The following FOXO1 variants were observed in gnomAD, a reference collection of about 807,000 sequenced individuals.
FOXO1 encodes the protein forkhead box O1, also known as forkhead box protein O1.
In FOXO1, 6 loss-of-function variants were observed where a neutral mutation model predicts 44.1. The ratio of observed to expected loss-of-function variants is 0.14; its 90% CI spans 0.07 to 0.27. The LOEUF (loss-of-function observed/expected upper bound fraction) is 0.27, where lower values mean the gene tolerates loss of function less well. FOXO1 is among the 10% of genes least tolerant of loss of function. The pLI, the probability that FOXO1 is intolerant of heterozygous loss-of-function variation, is 1.00. For synonymous variants in FOXO1, 380 were observed against 362.7 expected, an observed-to-expected ratio of 1.05 and a Z score of -0.54; for missense variants, 737 against 888.8, an observed-to-expected ratio of 0.83 and a Z score of 2.17.
intron 1 of FOXO1, among the ~76,000 whole-genome samples, chr13:40,604,181 AG>A (rs1415609187): frequency 6.6e-6 from 1 of 152,040 alleles, no homozygotes; most frequent in East Asian, 1.9e-4. Context: ...ATTTCCACTA[AG>A]GAAAAAAAAA....
intron 1 of FOXO1, among the ~76,000 whole-genome samples, chr13:40,651,075 G>A (rs1469371656): frequency 7.3e-6 from 1 of 137,870 alleles, no homozygotes; most frequent in African/African-American, 2.9e-5. Flanking sequence ...GCACTGCCTA[G>A]TTTTTTTGGT....
chr13:40,560,670 T>G lies in FOXO1; in HGVS notation c.821A>C (p.Lys274Thr), dbSNP rs1193729908. The change falls in exon 2 of 3, where the codon AAA becomes ACA. Residue 274 changes from lysine to threonine, a missense_variant. Around this residue, in one of 7 missense-constraint regions of FOXO1, gnomAD observed 136 missense variants for 186.4 expected, o/e 0.73. Transcript: ENST00000379561. This position sits in a 1 kb window ranked among gnomAD's most constrained non-coding sequence, Gnocchi z 5.1. ...AKSRSRAAKK[K>T]ASLQSGQEGA... Reference sequence around the variant, plus strand: ...CTCCTGGCCAGACTGGAGAGATGCTTTCTTCTTGGCAGCTCGGCTTCGGCT... The same window carrying G: ...CTCCTGGCCAGACTGGAGAGATGCTGTCTTCTTGGCAGCTCGGCTTCGGCT... The G allele has an allele frequency of 6.2e-7, 1 of 1,614,098 alleles. No individual in the cohort carries two copies. Among genetic ancestry groups the G allele is most frequent in the Non-Finnish European group, 8.5e-7 (1 of 1,180,052 alleles).
chr13:40,558,531 T>C lies in FOXO1; in HGVS notation c.*518A>G, dbSNP rs564906736. On this transcript the variant is annotated 3_prime_UTR_variant, in exon 3 of 3. Transcript: ENST00000379561. Reference sequence around the variant, plus strand: ...AAGGCTGTTCAATGGAGATGCAGAATGGAGATTCAGTTCTTTGTGATCCGT... The same window carrying C: ...AAGGCTGTTCAATGGAGATGCAGAACGGAGATTCAGTTCTTTGTGATCCGT... 6.4e-4 allele frequency: 154 copies of C among 239,348 alleles called. No homozygotes were observed. In the Middle Eastern group the frequency reaches 6.5e-3, roughly 10 times the overall value. The allele number at this position is 239,348 out of a possible 1,614,324, so 14.8% of individuals were successfully genotyped here.
At chr13:40,619,926 A>C in intron 1 of FOXO1, 1 of 682,212 alleles carries the variant, frequency 1.5e-6, no homozygotes. Context: ...TGAGAAATAC[A>C]AACCAAAGAT....
At chr13:40,618,847 G>A (rs749738795) in intron 1 of FOXO1, 3 of 527,838 alleles carry the variant, frequency 5.7e-6, no homozygotes, top group Non-Finnish European at 1.1e-5. Flanking sequence ...TCTCCACAGA[G>A]AAGAGGCCTG....
chr13:40,628,583 AGTGGAATCGACTCATAC>A (rs1032194745), intron 1 of FOXO1, among the ~76,000 whole-genome samples: 5 of 152,124 alleles, frequency 3.3e-5, no homozygotes, highest in Non-Finnish European at 7.3e-5. Context: ...GAAAATGTAT[AGTGGAATCGACTCATAC>A]GATCTAGACC....
chr13:40,571,023 C>G (rs984665800), intron 1 of FOXO1, among the ~76,000 whole-genome samples: 1 of 152,178 alleles, frequency 6.6e-6, no homozygotes, highest in Non-Finnish European at 1.5e-5. Context: ...AACTATCTCA[C>G]ACTGTCATAC....
intron 1 of FOXO1, among the ~76,000 whole-genome samples, chr13:40,650,897 G>A (rs910848385): frequency 1.3e-5 from 2 of 152,072 alleles, no homozygotes; most frequent in African/African-American, 2.4e-5. Context: ...TGGGACTACA[G>A]GCATGCACCA....
chr13:40,561,394 G>A (rs1176210322), intron 1 of FOXO1, among the ~76,000 whole-genome samples: 1 of 151,220 alleles, frequency 6.6e-6, no homozygotes, highest in Non-Finnish European at 1.5e-5. Context: ...TTTAATGAAG[G>A]GACAAAATTT....
At chr13:40,594,629 C>T (rs903755550) in intron 1 of FOXO1, among the ~76,000 whole-genome samples, 3 of 152,140 alleles carry the variant, frequency 2.0e-5, no homozygotes, top group Admixed American at 6.5e-5. Flanking sequence ...GGGGAGAAGG[C>T]GTCAGGGAGC....
At chr13:40,619,892 A>G in intron 1 of FOXO1, 1 of 712,696 alleles carries the variant, frequency 1.4e-6, no homozygotes, top group East Asian at 2.6e-5. Context: ...GTTTGGGAAA[A>G]TGGGGCTAGA....
At chr13:40,649,169 T>C (rs1025812419) in intron 1 of FOXO1, among the ~76,000 whole-genome samples, 1 of 152,086 alleles carries the variant, frequency 6.6e-6, no homozygotes, top group African/African-American at 2.4e-5. Flanking sequence ...CATGACTAAG[T>C]GGAAAGGGGT....
intron 1 of FOXO1, among the ~76,000 whole-genome samples, chr13:40,660,172 G>A (rs930563619): frequency 1.3e-5 from 2 of 152,048 alleles, no homozygotes; most frequent in Non-Finnish European, 2.9e-5. Flanking sequence ...GGGAGATCCT[G>A]GGGGGGCTGG....
intron 1 of FOXO1, among the ~76,000 whole-genome samples, chr13:40,624,196 G>T (rs1453532439): frequency 6.6e-6 from 1 of 151,348 alleles, no homozygotes; most frequent in Non-Finnish European, 1.5e-5. Flanking sequence ...GAGATATGTG[G>T]CCTAATCCCA....
chr13:40,561,129 G>C (rs572541193), intron 1 of FOXO1, among the ~76,000 whole-genome samples: 1 of 152,114 alleles, frequency 6.6e-6, no homozygotes, highest in South Asian at 2.1e-4. Context: ...CAGGCAAGCG[G>C]ATCATGAGAT....
rs1167831184 is a variant in FOXO1 at position 40,588,522 on chromosome 13, C to T, written c.631-27662G>A. Among the ~76,000 whole-genome samples, 4 of 152,298 alleles carry T rather than the reference C, an allele frequency of 2.6e-5. No homozygotes were observed. The East Asian group carries it at 7.7e-4, about 29-fold the overall frequency. ...CAGGAACAAATTATATTTAAGTTTTCACCCTTAAACTGAGTTTAAGATTTT... is the reference window on the plus strand; with the variant it reads ...CAGGAACAAATTATATTTAAGTTTTTACCCTTAAACTGAGTTTAAGATTTT... On this transcript the variant is annotated intron_variant, in intron 1 of 2. Transcript: ENST00000379561.
chr13:40,559,056 C>G (rs374809079), intron 2 of FOXO1, 22 bp from the exon 3 acceptor site: 10 of 397,760 alleles, frequency 2.5e-5, no homozygotes, highest in East Asian at 3.6e-5. Context: ...CACATACATA[C>G]GCACACACAC....
chr13:40,631,375 A>C (rs7319021), intron 1 of FOXO1, among the ~76,000 whole-genome samples: 18,613 of 152,196 alleles, frequency 0.12, 2,003 homozygotes, highest in East Asian at 0.39. Flanking sequence ...CATAGGGATA[A>C]ATCTTTCCGA....
At chr13:40,619,867 T>G in intron 1 of FOXO1, 1 of 738,396 alleles carries the variant, frequency 1.4e-6, no homozygotes, top group Non-Finnish European at 2.5e-6. Context: ...GGCACAACAG[T>G]TTAAAGCAGC....
Sources: allele counts gnomAD v4.1 joint callset (sites outside exome capture counted in the v4.1 genomes callset), GRCh38; gene constraint gnomAD v4.1.1; regional missense constraint gnomAD v4.1.1; non-coding constraint Gnocchi (gnomAD v3.1); transcripts MANE v1.5; gene names NCBI Gene and HGNC (gene_info 2026-07-23, HGNC 2026-07-21).